Variants in ARHGAP15 observed in about 807,000 individuals in gnomAD.
ARHGAP15 encodes rho GTPase-activating protein 15.
Under a neutral mutation model 63.7 loss-of-function variants are expected in ARHGAP15, and 51 were observed. The ratio of observed to expected loss-of-function variants is 0.80; its 90% CI spans 0.64 to 1.01. The LOEUF (loss-of-function observed/expected upper bound fraction) is 1.01. ARHGAP15 is among the 50% of genes least tolerant of loss of function. The probability of loss-of-function intolerance (pLI) is 0.00; values close to 1 mark genes in which losing one functional copy is unlikely to be tolerated. For missense variants in ARHGAP15, 560 were observed against 564.6 expected, an observed-to-expected ratio of 0.99 and a Z score of 0.08; for synonymous variants, 191 against 193.8, an observed-to-expected ratio of 0.99 and a Z score of 0.12.
intron 9 of ARHGAP15, among the ~76,000 whole-genome samples, chr2:143,497,870 T>C (rs1574534279): frequency 1.3e-5 from 2 of 152,322 alleles, no homozygotes; most frequent in East Asian, 3.9e-4. Context: ...ACTTATGATA[T>C]GAATGGGATT....
intron 6 of ARHGAP15, among the ~76,000 whole-genome samples, chr2:143,364,653 A>C (rs13392199): frequency 0.13 from 19,567 of 152,140 alleles, 1,664 homozygotes; most frequent in Non-Finnish European, 0.17. Flanking sequence ...TGAAGTACGC[A>C]CAGAATTTTA....
At chr2:143,184,847 T>C (rs1691377006) in intron 2 of ARHGAP15, among the ~76,000 whole-genome samples, 1 of 131,030 alleles carries the variant, frequency 7.6e-6, no homozygotes, top group South Asian at 2.9e-4. Flanking sequence ...TTTTTTTTCT[T>C]TTTTCTTTTT....
chr2:143,719,541 C>A (rs1220107575), intron 13 of ARHGAP15, among the ~76,000 whole-genome samples: 1 of 152,200 alleles, frequency 6.6e-6, no homozygotes, highest in East Asian at 1.9e-4. Flanking sequence ...TTCCTGCTCA[C>A]CCATCTTTTC....
chr2:143,524,967 T>C (rs144924367), intron 10 of ARHGAP15, among the ~76,000 whole-genome samples: 3 of 152,314 alleles, frequency 2.0e-5, no homozygotes, highest in Non-Finnish European at 2.9e-5. Context: ...TTTGATCCAG[T>C]GCACCAGTCT....
chr2:143,446,370 G>C (rs1468712291), intron 8 of ARHGAP15, among the ~76,000 whole-genome samples: 1 of 151,804 alleles, frequency 6.6e-6, no homozygotes, highest in Non-Finnish European at 1.5e-5. Context: ...TAGAAATATA[G>C]CAAGAATGTA....
intron 9 of ARHGAP15, among the ~76,000 whole-genome samples, chr2:143,496,931 A>G (rs1464203366): frequency 1.3e-5 from 2 of 152,200 alleles, no homozygotes; most frequent in South Asian, 2.1e-4. Context: ...TGGACTATGT[A>G]TCCTTAAAAG....
At chr2:143,371,912 A>T (rs1686575353) in intron 6 of ARHGAP15, among the ~76,000 whole-genome samples, 1 of 152,130 alleles carries the variant, frequency 6.6e-6, no homozygotes, top group South Asian at 2.1e-4. Context: ...TGACTTTTAC[A>T]AAAATATCAT....
intron 6 of ARHGAP15, among the ~76,000 whole-genome samples, chr2:143,303,496 C>G (rs1683014167): frequency 6.6e-6 from 1 of 151,962 alleles, no homozygotes. Context: ...AAATGTTAGA[C>G]CTAAAACCAT....
intron 11 of ARHGAP15, among the ~76,000 whole-genome samples, chr2:143,609,685 C>T (rs1266876563): frequency 6.6e-6 from 1 of 151,914 alleles, no homozygotes; most frequent in Non-Finnish European, 1.5e-5. Flanking sequence ...TTCTCTTTGC[C>T]CCCCCACCTC....
chr2:143,565,885 T>A (rs967432023), intron 11 of ARHGAP15, among the ~76,000 whole-genome samples: 5 of 152,206 alleles, frequency 3.3e-5, no homozygotes, highest in Non-Finnish European at 2.9e-5. Context: ...TTTGAAAGCA[T>A]GTCTTTTGTT....
chr2:143,318,215 C>T (rs1367476198), intron 6 of ARHGAP15, among the ~76,000 whole-genome samples: 1 of 151,844 alleles, frequency 6.6e-6, no homozygotes, highest in Non-Finnish European at 1.5e-5. Flanking sequence ...ACCATGTTAG[C>T]CAGGATGGTC....
intron 13 of ARHGAP15, among the ~76,000 whole-genome samples, chr2:143,720,676 G>A (rs1406084995): frequency 6.6e-6 from 1 of 152,128 alleles, no homozygotes; most frequent in East Asian, 1.9e-4. Context: ...CCGGTCCTGT[G>A]GCCAGCACTT....
chr2:143,332,220 G>A (rs1159009005), intron 6 of ARHGAP15, among the ~76,000 whole-genome samples: 1 of 152,024 alleles, frequency 6.6e-6, no homozygotes, highest in Non-Finnish European at 1.5e-5. Flanking sequence ...TCTTCTCTTT[G>A]AAATGAGTAG....
chr2:143,469,534 C>T (rs1225133341), intron 8 of ARHGAP15, among the ~76,000 whole-genome samples: 2 of 152,132 alleles, frequency 1.3e-5, no homozygotes, highest in Admixed American at 6.5e-5. Context: ...TTGACACATA[C>T]GCAAGTTCGG....
intron 13 of ARHGAP15, among the ~76,000 whole-genome samples, chr2:143,744,603 T>G (rs1040446500): frequency 6.6e-6 from 1 of 152,226 alleles, no homozygotes; most frequent in Non-Finnish European, 1.5e-5. Flanking sequence ...AGTGCGAATG[T>G]ATAAACACAA....
In ARHGAP15 at chr2:143,176,873, G is replaced by A. The variant is rs1428059362; in HGVS notation, c.165+21218G>A. On this transcript the variant is annotated intron_variant, in intron 2 of 13. Transcript: ENST00000295095. ...CTATTGTTTCCTGAAAGCTCAGCTG[G>A]GGCCGAGGGTTGCAGATTGGAGGGG... Among the ~76,000 whole-genome samples the A allele has an allele frequency of 2.0e-5, 3 of 152,144 alleles. No homozygotes were observed. In the East Asian group the frequency reaches 5.8e-4, roughly 29 times the overall value.
chr2:143,332,547 C>T (rs897960912), intron 6 of ARHGAP15, among the ~76,000 whole-genome samples: 13 of 152,126 alleles, frequency 8.5e-5, no homozygotes, highest in African/African-American at 1.7e-4. Flanking sequence ...ATTATGAAAG[C>T]TTCCCAATGC....
intron 6 of ARHGAP15, among the ~76,000 whole-genome samples, chr2:143,251,213 G>T (rs920952894): frequency 6.6e-6 from 1 of 151,586 alleles, no homozygotes; most frequent in Non-Finnish European, 1.5e-5. Context: ...ACCTAATTGC[G>T]TGATTTATCT....
chr2:143,224,388 C>A (rs1693122543), intron 4 of ARHGAP15, among the ~76,000 whole-genome samples: 1 of 152,032 alleles, frequency 6.6e-6, no homozygotes, highest in African/African-American at 2.4e-5. Context: ...GCCATATACT[C>A]TTTTACTCAA....
Sources: gnomAD v4.1 joint callset for allele counts (sites outside exome capture counted in the v4.1 genomes callset) on GRCh38, gnomAD v4.1.1 for gene constraint, MANE v1.5 for transcripts, NCBI Gene and HGNC (gene_info 2026-07-23, HGNC 2026-07-21) for gene names.